Variants in SLC24A2 observed in about 807,000 individuals in gnomAD.
SLC24A2 encodes the protein solute carrier family 24 member 2, also known as sodium/potassium/calcium exchanger 2.
Under a neutral mutation model 62.0 loss-of-function variants are expected in SLC24A2, and 36 were observed. The observed-to-expected ratio is 0.58, with a 90% CI of 0.44 to 0.77. The LOEUF (loss-of-function observed/expected upper bound fraction) is 0.77. Among genes scored for constraint, SLC24A2 ranks in the 30% least tolerant of loss-of-function variants. SLC24A2 has a pLI of 0.00. For missense variants in SLC24A2, 846 were observed against 817.9 expected, an observed-to-expected ratio of 1.03 and a Z score of -0.42; for synonymous variants, 358 against 294.0, an observed-to-expected ratio of 1.22 and a Z score of -2.23.
chr9:20,033,546 T>C, the SLC24A2 span, among the ~76,000 whole-genome samples: 5 of 152,240 alleles, frequency 3.3e-5, no homozygotes, highest in African/African-American at 1.2e-4. Context: ...ACAGGATTCT[T>C]ATTACAGAGT....
chr9:20,204,935 C>T, the SLC24A2 span, among the ~76,000 whole-genome samples: 11 of 151,976 alleles, frequency 7.2e-5, no homozygotes, highest in South Asian at 2.1e-4. Flanking sequence ...TTAGTACAGA[C>T]GGGGTTTCAC....
the SLC24A2 span, among the ~76,000 whole-genome samples, chr9:20,178,903 A>G: frequency 6.6e-6 from 1 of 152,164 alleles, no homozygotes; most frequent in African/African-American, 2.4e-5. Context: ...TGCTCAGAAT[A>G]ACTACCCTTT....
intron 2 of SLC24A2, among the ~76,000 whole-genome samples, chr9:19,636,341 T>TTCTTTCTTTCTC (rs1818342182): frequency 2.8e-5 from 1 of 35,914 alleles, no homozygotes; most frequent in African/African-American, 1.4e-4. Context: ...CTTTCTTTCT[T>TTCTTTCTTTCTC]TCTTTCTTTC....
At chr9:19,773,040 C>A (rs1253213487) in intron 2 of SLC24A2, among the ~76,000 whole-genome samples, 2 of 152,098 alleles carry the variant, frequency 1.3e-5, no homozygotes, top group African/African-American at 4.8e-5. Flanking sequence ...AAACATTACG[C>A]TAAATGAAAG....
the SLC24A2 span, among the ~76,000 whole-genome samples, chr9:20,039,195 T>C: frequency 2.6e-5 from 4 of 152,192 alleles, no homozygotes; most frequent in African/African-American, 7.2e-5. Context: ...GGTGTGTCTC[T>C]TCTGTGACCT....
At chr9:20,028,323 T>C in the SLC24A2 span, among the ~76,000 whole-genome samples, 1 of 152,182 alleles carries the variant, frequency 6.6e-6, no homozygotes, top group Non-Finnish European at 1.5e-5. Flanking sequence ...TGGTAATGCA[T>C]TAGCACTGAT....
At chr9:19,636,380 TTTC>T (rs1818349711) in intron 2 of SLC24A2, among the ~76,000 whole-genome samples, 1 of 20,278 alleles carries the variant, frequency 4.9e-5, no homozygotes, top group African/African-American at 1.9e-4. Flanking sequence ...TCTTTCTTTC[TTTC>T]TTTCTCCCTC....
At chr9:19,636,320 T>TTTTCTTTTCTTTTCTTTTCTTTCTTTCC (rs1564009722) in intron 2 of SLC24A2, among the ~76,000 whole-genome samples, 1 of 21,358 alleles carries the variant, frequency 4.7e-5, no homozygotes, top group Non-Finnish European at 1.1e-4. Flanking sequence ...TTTTCTTTTC[T>TTTTCTTTTCTTTTCTTTTCTTTCTTTCC]TTCTTTCTTT....
At chr9:20,197,335 T>A in the SLC24A2 span, among the ~76,000 whole-genome samples, 1 of 151,932 alleles carries the variant, frequency 6.6e-6, no homozygotes, top group East Asian at 1.9e-4. Context: ...TGTTTTCCCA[T>A]AGACATAAAT....
the SLC24A2 span, among the ~76,000 whole-genome samples, chr9:19,997,035 T>A: frequency 4.7e-5 from 7 of 150,464 alleles, no homozygotes; most frequent in Non-Finnish European, 1.0e-4. Flanking sequence ...CAAAAGATGG[T>A]GAAAAAAAAA....
At chr9:19,913,409 T>C in the SLC24A2 span, among the ~76,000 whole-genome samples, 1 of 152,138 alleles carries the variant, frequency 6.6e-6, no homozygotes, top group Non-Finnish European at 1.5e-5. Flanking sequence ...TCATCCAAGC[T>C]AGTCCAGTCA....
the SLC24A2 span, among the ~76,000 whole-genome samples, chr9:20,210,430 G>C: frequency 6.6e-6 from 1 of 152,032 alleles, no homozygotes; most frequent in African/African-American, 2.4e-5. Flanking sequence ...CATTTAAAGG[G>C]AGAAGAAAAG....
the SLC24A2 span, among the ~76,000 whole-genome samples, chr9:20,145,544 G>C: frequency 6.6e-6 from 1 of 151,694 alleles, no homozygotes; most frequent in African/African-American, 2.4e-5. Flanking sequence ...AGAAAGAAAA[G>C]AAAGGAGTTC....
the SLC24A2 span, among the ~76,000 whole-genome samples, chr9:20,037,429 A>G: frequency 6.6e-6 from 1 of 152,122 alleles, no homozygotes; most frequent in Non-Finnish European, 1.5e-5. Context: ...CATTTGCTCT[A>G]TTTATCTGTT....
chr9:20,222,792 G>A, the SLC24A2 span, among the ~76,000 whole-genome samples: 4 of 152,028 alleles, frequency 2.6e-5, no homozygotes, highest in Admixed American at 6.6e-5. Flanking sequence ...TTAAAAAATC[G>A]CTGCCAACTA....
At chr9:19,886,891 T>C in the SLC24A2 span, among the ~76,000 whole-genome samples, 1 of 152,156 alleles carries the variant, frequency 6.6e-6, no homozygotes, top group Non-Finnish European at 1.5e-5. Flanking sequence ...AATGAGACCA[T>C]GTCCTTTGCA....
the SLC24A2 span, among the ~76,000 whole-genome samples, chr9:20,103,421 C>G: frequency 6.6e-6 from 1 of 152,242 alleles, no homozygotes. Flanking sequence ...CCCCTGACCC[C>G]CGAGCAGCCT....
chr9:20,014,906 CGTAA>C, the SLC24A2 span, among the ~76,000 whole-genome samples: 1 of 151,946 alleles, frequency 6.6e-6, no homozygotes, highest in Non-Finnish European at 1.5e-5. Flanking sequence ...AGAAATGATA[CGTAA>C]GTATGGTGAT....
At chr9:19,577,559 C>T (rs1293742030) in intron 5 of SLC24A2, among the ~76,000 whole-genome samples, 1 of 152,184 alleles carries the variant, frequency 6.6e-6, no homozygotes, top group Non-Finnish European at 1.5e-5. Flanking sequence ...ATTAACATTG[C>T]TGTTTCTAAA....
Sources: allele counts gnomAD v4.1 joint callset (sites outside exome capture counted in the v4.1 genomes callset), GRCh38; gene constraint gnomAD v4.1.1; transcripts MANE v1.5; gene names NCBI Gene and HGNC (gene_info 2026-07-23, HGNC 2026-07-21).